Variants in CACNA1C observed in about 807,000 individuals in gnomAD.
The protein encoded by CACNA1C is voltage-dependent L-type calcium channel subunit alpha-1C.
Under a neutral mutation model 229.0 loss-of-function variants are expected in CACNA1C, and 30 were observed. That is an observed-to-expected ratio of 0.13 (90% CI 0.10 to 0.18). CACNA1C has a LOEUF of 0.18. CACNA1C is among the 10% of genes least tolerant of loss of function. The probability of loss-of-function intolerance (pLI) is 1.00; values close to 1 mark genes in which losing one functional copy is unlikely to be tolerated. For synonymous variants in CACNA1C, 1,114 were observed against 1,132.5 expected (o/e 0.98, Z 0.33); for missense variants, 1,658 against 2,845.0 (o/e 0.58, Z 9.49).
chr12:2,525,589 C>A (rs2099817221), intron 9 of CACNA1C, among the ~76,000 whole-genome samples: 1 of 152,222 alleles, frequency 6.6e-6, no homozygotes, highest in Non-Finnish European at 1.5e-5. Context: ...AACACACCCA[C>A]AAGCAGTCCC....
intron 3 of CACNA1C, among the ~76,000 whole-genome samples, chr12:2,366,098 T>A (rs2097712503): frequency 6.6e-6 from 1 of 152,198 alleles, no homozygotes; most frequent in Non-Finnish European, 1.5e-5. Context: ...AATGGACCAA[T>A]GGTGAATTGA....
intron 30 of CACNA1C, among the ~76,000 whole-genome samples, chr12:2,644,756 G>C (rs1398067251): frequency 6.6e-6 from 1 of 152,166 alleles, no homozygotes; most frequent in African/African-American, 2.4e-5. Flanking sequence ...CATCCACTGA[G>C]GTGTTACTTC....
At chr12:2,069,403 T>G (rs747157114) in intron 1 of CACNA1C, among the ~76,000 whole-genome samples, 1 of 152,160 alleles carries the variant, frequency 6.6e-6, no homozygotes, top group Non-Finnish European at 1.5e-5. Flanking sequence ...TTATTTGACT[T>G]GCATGTGGGG....
chr12:2,506,755 G>C (rs2099772767), intron 8 of CACNA1C, among the ~76,000 whole-genome samples: 1 of 152,168 alleles, frequency 6.6e-6, no homozygotes, highest in African/African-American at 2.4e-5. Context: ...GATCTATGAT[G>C]AATGAGCTTG....
Position 2,066,061 on chromosome 12 carries a change from G to A in CACNA1C, c.49+12450G>A, listed in dbSNP as rs527669826. ...TGCTCTTCCAGGCAGCAGGCTAGAG[G>A]ATAAGGTAGGGGAGTCGAGGCTGCA... On this transcript the variant is annotated intron_variant, in intron 1 of 46. Transcript: ENST00000399655. Among the ~76,000 whole-genome samples, 9 of 152,256 alleles carry A rather than the reference G, an allele frequency of 5.9e-5. No homozygotes were observed. In the East Asian group the frequency reaches 1.7e-3, roughly 29 times the overall value.
intron 3 of CACNA1C, among the ~76,000 whole-genome samples, chr12:2,197,128 T>C (rs1429210257): frequency 1.3e-5 from 2 of 152,160 alleles, no homozygotes; most frequent in Non-Finnish European, 2.9e-5. Flanking sequence ...GCTGTGCTTT[T>C]GAGATCAGGA....
chr12:2,100,524 A>ATG (rs2075943255), intron 1 of CACNA1C, among the ~76,000 whole-genome samples: 1 of 140,844 alleles, frequency 7.1e-6, no homozygotes, highest in African/African-American at 2.6e-5. Context: ...CTGATGCAGG[A>ATG]GGATCACTTG....
intron 3 of CACNA1C, among the ~76,000 whole-genome samples, chr12:2,186,139 A>G (rs2096996484): frequency 6.6e-6 from 1 of 151,956 alleles, no homozygotes; most frequent in Non-Finnish European, 1.5e-5. Flanking sequence ...TCTCATCTTT[A>G]TGGGAAAACT....
intron 3 of CACNA1C, among the ~76,000 whole-genome samples, chr12:2,255,548 A>G (rs2077125598): frequency 6.6e-6 from 1 of 152,026 alleles, no homozygotes; most frequent in African/African-American, 2.4e-5. Context: ...TTCAATTAGA[A>G]CTCTGAGCAG....
intron 3 of CACNA1C, among the ~76,000 whole-genome samples, chr12:2,292,771 G>A (rs1443783797): frequency 6.6e-6 from 1 of 152,114 alleles, no homozygotes; most frequent in Non-Finnish European, 1.5e-5. Context: ...TTCCCTGAAT[G>A]GGCAGCCTAT....
intron 1 of CACNA1C, among the ~76,000 whole-genome samples, chr12:2,023,918 T>C (rs1341058929): frequency 2.6e-5 from 4 of 152,234 alleles, no homozygotes; most frequent in Non-Finnish European, 5.9e-5. Flanking sequence ...GTAAGATATC[T>C]TGAAAAGAGC....
At chr12:2,099,107 C>T (rs1209509562) in intron 1 of CACNA1C, among the ~76,000 whole-genome samples, 6 of 152,222 alleles carry the variant, frequency 3.9e-5, no homozygotes, top group African/African-American at 1.4e-4. Flanking sequence ...GTCTCGCTGC[C>T]GCTCACTCTG....
intron 3 of CACNA1C, among the ~76,000 whole-genome samples, chr12:2,352,792 C>T (rs2097244623): frequency 6.6e-6 from 1 of 152,136 alleles, no homozygotes; most frequent in African/African-American, 2.4e-5. Flanking sequence ...TCAGGACTAA[C>T]CCTGACCTAC....
At chr12:2,426,270 A>C (rs2099031187) in intron 3 of CACNA1C, among the ~76,000 whole-genome samples, 1 of 152,210 alleles carries the variant, frequency 6.6e-6, no homozygotes, top group African/African-American at 2.4e-5. Context: ...AATCTAATTG[A>C]GAAGGTAATA....
At chr12:2,086,316 G>A (rs866696061) in intron 1 of CACNA1C, among the ~76,000 whole-genome samples, 1 of 152,136 alleles carries the variant, frequency 6.6e-6, no homozygotes, top group Non-Finnish European at 1.5e-5. Context: ...TTCCCTTTTA[G>A]CATTACTCTA....
chr12:2,256,319 A>G (rs1013088954), intron 3 of CACNA1C, among the ~76,000 whole-genome samples: 1 of 152,236 alleles, frequency 6.6e-6, no homozygotes, highest in East Asian at 1.9e-4. Context: ...CCTTGGGCAC[A>G]TTGGTGTCTT....
In CACNA1C at chr12:2,556,284, C is replaced by T. The variant is rs998905485; in HGVS notation, c.1482-667C>T. 2.6e-5 allele frequency among the ~76,000 whole-genome samples: 4 copies of T among 152,278 alleles called. No homozygotes were observed. In the South Asian group the frequency reaches 6.2e-4, roughly 24 times the overall value. ...GACTTCCTTGAAGGTTCTGCCTTTC[C>T]ATGGAACCTCCTCCCTGTTCCATGA... On this transcript the variant is annotated intron_variant, in intron 10 of 46. Coordinates refer to ENST00000399655, the MANE Select transcript of CACNA1C (RefSeq NM_000719.7).
intron 3 of CACNA1C, among the ~76,000 whole-genome samples, chr12:2,267,878 C>T (rs1393661708): frequency 2.6e-5 from 4 of 152,168 alleles, no homozygotes; most frequent in Non-Finnish European, 4.4e-5. Flanking sequence ...CCTCGCCAGT[C>T]CTTTTTTCCA....
At chr12:2,246,026 G>A (rs1033376336) in intron 3 of CACNA1C, among the ~76,000 whole-genome samples, 1 of 152,190 alleles carries the variant, frequency 6.6e-6, no homozygotes, top group African/African-American at 2.4e-5. Context: ...CCCTAACTTT[G>A]TGCGTGGTAC....
Sources: gnomAD v4.1 joint callset for allele counts (sites outside exome capture counted in the v4.1 genomes callset) on GRCh38, gnomAD v4.1.1 for gene constraint, MANE v1.5 for transcripts, NCBI Gene and HGNC (gene_info 2026-07-23, HGNC 2026-07-21) for gene names.